The following CFAP20DC variants were observed in gnomAD, a reference collection of about 807,000 sequenced individuals.
CFAP20DC encodes protein CFAP20DC.
A neutral mutation model predicts 101.7 loss-of-function variants in CFAP20DC; 84 were observed. The observed-to-expected ratio is 0.83, with a 90% CI of 0.69 to 0.99. CFAP20DC has a LOEUF of 0.99. Ranked by LOEUF, CFAP20DC falls within the 50% of genes least tolerant of loss-of-function variation. The pLI, the probability that CFAP20DC is intolerant of heterozygous loss-of-function variation, is 0.00. For synonymous variants in CFAP20DC, 359 were observed against 351.2 expected, an observed-to-expected ratio of 1.02 and a Z score of -0.25; for missense variants, 1,007 against 970.3, an observed-to-expected ratio of 1.04 and a Z score of -0.50.
intron 3 of CFAP20DC, among the ~76,000 whole-genome samples, chr3:59,042,194 G>A (rs1203387971): frequency 6.6e-6 from 1 of 151,962 alleles, no homozygotes; most frequent in Non-Finnish European, 1.5e-5. Flanking sequence ...GGCAGAGGGA[G>A]TACTCCATCC....
At chr3:58,905,259 T>C (rs1196725213) in intron 6 of CFAP20DC, among the ~76,000 whole-genome samples, 1 of 151,414 alleles carries the variant, frequency 6.6e-6, no homozygotes, top group Non-Finnish European at 1.5e-5. Flanking sequence ...GTCTTCCTTT[T>C]ACTTAACAAT....
intron 15 of CFAP20DC, among the ~76,000 whole-genome samples, chr3:58,791,535 T>TG (rs2072857144): frequency 6.6e-6 from 1 of 152,120 alleles, no homozygotes; most frequent in Admixed American, 6.6e-5. Flanking sequence ...AGTGAATAGT[T>TG]TAACCAATTT....
chr3:58,881,988 T>G lies in CFAP20DC; in HGVS notation c.715+2557A>C, dbSNP rs567830149. ...TGTCAAAATCAGCAATTGAAAAGTATTTACAGAAAGAGAACCACAAAGTGC... is the reference window on the plus strand; with the variant it reads ...TGTCAAAATCAGCAATTGAAAAGTAGTTACAGAAAGAGAACCACAAAGTGC... On this transcript the variant is annotated intron_variant, in intron 7 of 16. Transcript: ENST00000482387. Among the ~76,000 whole-genome samples, 6 of 152,294 alleles carry G rather than the reference T, an allele frequency of 3.9e-5. No homozygotes were observed. In the East Asian group the frequency reaches 1.2e-3, roughly 29 times the overall value.
At chr3:58,994,432 C>G (rs1404482351) in intron 4 of CFAP20DC, among the ~76,000 whole-genome samples, 2 of 151,960 alleles carry the variant, frequency 1.3e-5, no homozygotes, top group Admixed American at 1.3e-4. Flanking sequence ...AAGGCATATG[C>G]CATTATCCTC....
chr3:58,815,007 C>T lies in CFAP20DC; in HGVS notation c.2176-8551G>A, dbSNP rs1199448502. Among the ~76,000 whole-genome samples the T allele has an allele frequency of 2.1e-3, 317 of 151,494 alleles. 8 individuals are homozygous for T. Among genetic ancestry groups the T allele is most frequent in the African/African-American group, 7.5e-3 (308 of 41,058 alleles). On this transcript the variant is annotated intron_variant, in intron 14 of 16. Coordinates refer to ENST00000482387, the MANE Select transcript of CFAP20DC (RefSeq NM_001394063.1). Reference sequence around the variant, plus strand: ...TTCTTCACAGAATTGGAAAAAACTACTTTAAAGTTCATATGGAACCAAAAA... The same window carrying T: ...TTCTTCACAGAATTGGAAAAAACTATTTTAAAGTTCATATGGAACCAAAAA...
intron 5 of CFAP20DC, among the ~76,000 whole-genome samples, chr3:58,929,002 T>C (rs2086285579): frequency 6.6e-6 from 1 of 152,164 alleles, no homozygotes; most frequent in Admixed American, 6.5e-5. Flanking sequence ...ATTAGGAAAC[T>C]TTGCTCCACA....
intron 15 of CFAP20DC, among the ~76,000 whole-genome samples, chr3:58,762,569 A>G (rs912346466): frequency 9.9e-5 from 15 of 152,104 alleles, no homozygotes; most frequent in Admixed American, 8.5e-4. Context: ...TGTGAATTTG[A>G]TCCTGTCATT....
chr3:58,742,914 A>G (rs2067958630), intron 16 of CFAP20DC, among the ~76,000 whole-genome samples: 1 of 152,200 alleles, frequency 6.6e-6, no homozygotes. Flanking sequence ...TCCAAAACTA[A>G]TTGTCACAGT....
intron 4 of CFAP20DC, among the ~76,000 whole-genome samples, chr3:59,024,856 CA>C (rs1262026549): frequency 2.0e-5 from 3 of 151,858 alleles, no homozygotes; most frequent in Non-Finnish European, 4.4e-5. Flanking sequence ...TTCTCTTGAC[CA>C]AAGGAAAAAA....
At chr3:58,834,462 T>C (rs1213826327) in intron 13 of CFAP20DC, among the ~76,000 whole-genome samples, 5 of 152,234 alleles carry the variant, frequency 3.3e-5, no homozygotes, top group Non-Finnish European at 7.3e-5. Flanking sequence ...ATGTACTTCA[T>C]ATGATTGAGT....
At chr3:59,047,983 A>G (rs909015585) in intron 1 of CFAP20DC, among the ~76,000 whole-genome samples, 1 of 152,244 alleles carries the variant, frequency 6.6e-6, no homozygotes, top group African/African-American at 2.4e-5. Flanking sequence ...ATTAATGTGA[A>G]GATCTATAAA....
chr3:59,009,055 C>G (rs2093515405), intron 4 of CFAP20DC, among the ~76,000 whole-genome samples: 1 of 152,042 alleles, frequency 6.6e-6, no homozygotes, highest in Non-Finnish European at 1.5e-5. Context: ...CTTTCTATAA[C>G]TAAGGATCTC....
At chr3:59,022,858 C>T (rs1262271240) in intron 4 of CFAP20DC, among the ~76,000 whole-genome samples, 1 of 152,076 alleles carries the variant, frequency 6.6e-6, no homozygotes, top group Non-Finnish European at 1.5e-5. Flanking sequence ...TAAGAGCCAA[C>T]TGTGGTGTTC....
intron 4 of CFAP20DC, among the ~76,000 whole-genome samples, chr3:58,949,216 T>C (rs1377669444): frequency 3.3e-5 from 5 of 152,206 alleles, no homozygotes; most frequent in Admixed American, 3.3e-4. Context: ...TCAATTTTGT[T>C]GATCTTTTCA....
At chr3:58,985,731 G>C (rs1044058219) in intron 4 of CFAP20DC, among the ~76,000 whole-genome samples, 2 of 151,878 alleles carry the variant, frequency 1.3e-5, no homozygotes, top group African/African-American at 4.8e-5. Flanking sequence ...TAACTAAAAG[G>C]CAAAAATAAA....
At position 58,833,355 on chromosome 3, in the gene CFAP20DC, C is replaced by T. The variant is rs189576349; in HGVS notation, c.1972-1466G>A. On this transcript the variant is annotated intron_variant, in intron 13 of 16. Transcript: ENST00000482387. ...CTTTCAGAGTTCTTGGGCCAAAATACGTATCACAAGAAGAAGAATAAAATG... is the reference window on the plus strand; with the variant it reads ...CTTTCAGAGTTCTTGGGCCAAAATATGTATCACAAGAAGAAGAATAAAATG... 3.3e-5 allele frequency among the ~76,000 whole-genome samples: 5 copies of T among 151,816 alleles called. No individual in the cohort carries two copies. The East Asian group carries it at 5.8e-4, about 18-fold the overall frequency.
At chr3:58,925,311 C>T (rs1184211459) in intron 5 of CFAP20DC, among the ~76,000 whole-genome samples, 1 of 152,192 alleles carries the variant, frequency 6.6e-6, no homozygotes, top group Admixed American at 6.5e-5. Context: ...TCATCCCCAA[C>T]ATGGCTAGGA....
At chr3:58,950,678 C>T (rs992600663) in intron 4 of CFAP20DC, among the ~76,000 whole-genome samples, 5 of 152,030 alleles carry the variant, frequency 3.3e-5, no homozygotes, top group African/African-American at 7.2e-5. Context: ...CCCTATTTAA[C>T]AAATGGTGCT....
chr3:58,965,371 T>C (rs989708161), intron 4 of CFAP20DC, among the ~76,000 whole-genome samples: 2 of 152,212 alleles, frequency 1.3e-5, no homozygotes, highest in Admixed American at 1.3e-4. Flanking sequence ...GTGAAAAACA[T>C]GAGCATTTGG....
Sources: allele counts gnomAD v4.1 joint callset (sites outside exome capture counted in the v4.1 genomes callset), GRCh38; gene constraint gnomAD v4.1.1; transcripts MANE v1.5; gene names NCBI Gene and HGNC (gene_info 2026-07-23, HGNC 2026-07-21).